The following TUBGCP2 variants were observed in gnomAD, a reference collection of about 807,000 sequenced individuals.
TUBGCP2 encodes gamma-tubulin complex component 2.
Under a neutral mutation model 92.2 loss-of-function variants are expected in TUBGCP2, and 55 were observed. The ratio of observed to expected loss-of-function variants is 0.60; its 90% confidence interval spans 0.48 to 0.75. TUBGCP2 has a LOEUF of 0.75. Ranked by LOEUF, TUBGCP2 falls within the 30% of genes least tolerant of loss-of-function variation. The pLI is 0.00. For missense variants in TUBGCP2, 1,093 were observed against 1,188.9 expected (o/e 0.92, Z 1.19); for synonymous variants, 533 against 505.2 (o/e 1.06, Z -0.74).
chr10:133,297,896 G>A, intron 5 of TUBGCP2, 56 bp downstream of exon 5: 1 of 1,592,688 alleles, frequency 6.3e-7, no homozygotes, highest in South Asian at 1.1e-5. Context: ...GCAGAGCCCG[G>A]AAATCAACGC....
intron 11 of TUBGCP2, among the ~76,000 whole-genome samples, chr10:133,287,226 C>A (rs985993946): frequency 1.3e-5 from 2 of 152,158 alleles, no homozygotes; most frequent in Admixed American, 1.3e-4. Flanking sequence ...ACTGAGCAGA[C>A]CTGTGGCCAG....
rs200867693 is a variant in TUBGCP2, at chr10:133,281,331, G to A, written c.2515C>T (p.Arg839Trp). Residue 839 changes from arginine (R) to tryptophan (W), a missense_variant, in exon 17 of 18, where the codon CGG (arginine) becomes TGG (tryptophan). By Grantham distance (101) the Arg-to-Trp change is moderately radical (BLOSUM62 -3). Coordinates refer to ENST00000252936, the MANE Select transcript of TUBGCP2 (RefSeq NM_006659.4). The stretch of plus-strand genomic sequence containing the variant: ...TCACTGGTGCTATAGATGCTCAGCC[G>A]GGCCAGGAGGTCCAGCAGGTGGGCT... ...FSAHLLDLLA[R>W]LSIYSTSDCE... 4.2e-5 allele frequency: 68 copies of A among 1,613,384 alleles called. No homozygotes were observed. The highest frequency in any genetic ancestry group is 3.9e-5 in the Non-Finnish European group (46 of 1,180,000).
chr10:133,292,023 CT>C lies in TUBGCP2; in HGVS notation c.1214+475del, dbSNP rs749261916. Among the ~76,000 whole-genome samples the C allele has an allele frequency of 5.3e-4, 3 of 5,654 alleles. 1 individual carries two copies. The highest frequency in any genetic ancestry group is 0.062 in the East Asian group (2 of 32). The allele number at this position is 5,654 out of a possible 152,430, so 3.7% of individuals were successfully genotyped here. ...CGCACCCTCCGTGTCCCCCATGTCC[CT>C]CTGTGTCCCTCCGTGTCCCTCCGTG... On this transcript the variant is annotated intron_variant, in intron 8 of 17. Coordinates refer to ENST00000252936, the MANE Select transcript of TUBGCP2 (RefSeq NM_006659.4).
chr10:133,290,099 G>C (rs1379604043), intron 8 of TUBGCP2, 130 bp from the exon 9 acceptor site: 7 of 1,305,010 alleles, frequency 5.4e-6, no homozygotes, highest in African/African-American at 4.4e-5. Context: ...GTTCCACAAG[G>C]GCCGAGCCTA....
upstream of TUBGCP2, chr10:133,312,293 T>C: frequency 8.1e-7 from 1 of 1,232,790 alleles, no homozygotes; most frequent in Non-Finnish European, 1.0e-6. Context: ...TCTGCCTTTC[T>C]AGCGTCACCT....
intron 9 of TUBGCP2, 56 bp downstream of exon 9, chr10:133,289,768 G>C (rs1847227320): frequency 1.7e-5 from 2 of 117,472 alleles, no homozygotes; most frequent in South Asian, 1.6e-4. Context: ...GGCTGCAGGA[G>C]ACTCTCCAGG....
Position 133,285,438 on chromosome 10 carries a change from C to T in TUBGCP2, c.1895+18G>A. On this transcript the variant is annotated intron_variant, in intron 12 of 17. Transcript: ENST00000252936. This position sits in a 1 kb window ranked among gnomAD's most constrained non-coding sequence, Gnocchi z 6.8. The stretch of plus-strand genomic sequence containing the variant: ...CCTGAGTGAAGATCTGGCAGGTGCC[C>T]GAGCAGCCGACCCGCACCTGTTGAT... The T allele has an allele frequency of 1.9e-6, 3 of 1,613,156 alleles. No individual in the cohort carries two copies. The highest frequency in any genetic ancestry group is 1.6e-4 in the Middle Eastern group (1 of 6,062).
chr10:133,304,224 G>A (rs575587761), intron 1 of TUBGCP2, among the ~76,000 whole-genome samples: 106 of 152,250 alleles, frequency 7.0e-4, no homozygotes, highest in Non-Finnish European at 1.2e-3. Flanking sequence ...TTAGCTACTC[G>A]GGAGGCTGAG....
At chr10:133,304,672 A>T (rs1377740442) in intron 1 of TUBGCP2, among the ~76,000 whole-genome samples, 1 of 152,250 alleles carries the variant, frequency 6.6e-6, no homozygotes, top group African/African-American at 2.4e-5. Context: ...TAAAACAACA[A>T]GAGTTATGCT....
intron 2 of TUBGCP2, 51 bp from the exon 3 acceptor site, chr10:133,300,164 G>A: frequency 1.3e-6 from 2 of 1,572,940 alleles, no homozygotes; most frequent in African/African-American, 1.4e-5. Context: ...ATAAAGCACT[G>A]TAAAAAAAAA....
chr10:133,287,402 C>A (rs1389439821), intron 11 of TUBGCP2, among the ~76,000 whole-genome samples: 1 of 152,088 alleles, frequency 6.6e-6, no homozygotes, highest in African/African-American at 2.4e-5. Flanking sequence ...CAACACAGAC[C>A]CCCGTCTCTA....
intron 9 of TUBGCP2, among the ~76,000 whole-genome samples, 157 bp downstream of exon 9, chr10:133,289,667 C>A (rs766813785): frequency 3.3e-5 from 5 of 152,222 alleles, no homozygotes; most frequent in Non-Finnish European, 7.3e-5. Flanking sequence ...GCCCAGCCCA[C>A]GGGCCAGTCC....
In TUBGCP2 at chr10:133,300,020, C is replaced by T. The variant is rs1287254836; in HGVS notation, c.244G>A (p.Val82Met). Residue 82 changes from valine (V) to methionine (M), a missense_variant, in exon 3 of 18, where the codon GTG becomes ATG. By Grantham distance (21) the Val-to-Met change is conservative. This residue lies in a region of TUBGCP2 where 490 missense variants were observed against 488.5 expected (regional missense o/e 1.00). Coordinates refer to ENST00000252936, the MANE Select transcript of TUBGCP2 (RefSeq NM_006659.4). ...SKNTRNLDPL[V>M]YLLSKLTEDK... Reference sequence around the variant, plus strand: ...TCCGTGAGCTTTGACAACAGGTACACCAGCGGGTCAAGGTTCCTTGTATTT... The same window carrying T: ...TCCGTGAGCTTTGACAACAGGTACATCAGCGGGTCAAGGTTCCTTGTATTT... 6.2e-7 allele frequency: 1 copy of T among 1,614,060 alleles called. No homozygotes were observed. The highest frequency in any genetic ancestry group is 8.5e-7 in the Non-Finnish European group (1 of 1,180,040).
upstream of TUBGCP2, chr10:133,309,469 C>G: frequency 6.2e-7 from 1 of 1,611,370 alleles, no homozygotes. Flanking sequence ...CCCAGGTAAG[C>G]GAATGGGCAG....
At chr10:133,310,371 G>A, upstream of TUBGCP2, 5 of 1,557,472 alleles carry the variant, frequency 3.2e-6, no homozygotes, top group South Asian at 5.8e-5. Flanking sequence ...TAGACGGTCA[G>A]ACTTATTAAG....
chr10:133,302,181 T>G, intron 2 of TUBGCP2: 1 of 156,954 alleles, frequency 6.4e-6, no homozygotes, highest in Admixed American at 6.3e-5. Context: ...CTGGGGGGAG[T>G]CAGGAGAATC....
intron 8 of TUBGCP2, chr10:133,290,747 G>A (rs1451011944): frequency 6.6e-6 from 1 of 152,084 alleles, no homozygotes; most frequent in Non-Finnish European, 1.5e-5. Context: ...GGGTAGGCGG[G>A]GCCAACATTG....
At position 133,298,215 on chromosome 10, in the gene TUBGCP2, C is replaced by A. The variant is rs1847536544; in HGVS notation, c.457-104G>T. 5.7e-6 allele frequency: 7 copies of A among 1,229,938 alleles called. No homozygotes were observed. The South Asian group carries it at 7.3e-5, about 13-fold the overall frequency. The allele number at this position is 1,229,938 out of a possible 1,614,324, so 76.2% of individuals were successfully genotyped here. A position where few individuals can be genotyped will look rare whatever the true frequency, so the allele number is the denominator to read the frequency against. ...CTAGCATCTACGGCAAAGATGATTA[C>A]TCAATTCAACACCCACAAAGGGTCA... On this transcript the variant is annotated intron_variant, in intron 4 of 17. Transcript: ENST00000252936.
At chr10:133,288,003 G>GA (rs780603591) in intron 11 of TUBGCP2, 126 bp downstream of exon 11, 1 of 1,302,430 alleles carries the variant, frequency 7.7e-7, no homozygotes, top group Non-Finnish European at 1.0e-6. Context: ...CCAAGTGAAG[G>GA]AAACAGACCC....
Sources: allele counts gnomAD v4.1 joint callset (sites outside exome capture counted in the v4.1 genomes callset), GRCh38; gene constraint gnomAD v4.1.1; regional missense constraint gnomAD v4.1.1; non-coding constraint Gnocchi (gnomAD v3.1); transcripts MANE v1.5; gene names NCBI Gene and HGNC (gene_info 2026-07-23, HGNC 2026-07-21).